Variants in LCT observed in about 807,000 individuals in gnomAD.
LCT encodes lactase/phlorizin hydrolase.
LCT carries 90 observed loss-of-function variants against 173.0 expected under a neutral mutation model. The ratio of observed to expected loss-of-function variants is 0.52; its 90% CI spans 0.44 to 0.62. LCT has a LOEUF of 0.62. Among genes scored for constraint, LCT ranks in the 20% least tolerant of loss-of-function variants. The probability of loss-of-function intolerance (pLI) is 0.00; values close to 1 mark genes in which losing one functional copy is unlikely to be tolerated. For missense variants in LCT, 1,864 were observed against 2,431.4 expected (o/e 0.77, Z 4.91); for synonymous variants, 853 against 957.6 (o/e 0.89, Z 2.02).
chr2:135,825,005 A>AG (rs1005455217), intron 3 of LCT, among the ~76,000 whole-genome samples: 1 of 151,734 alleles, frequency 6.6e-6, no homozygotes, highest in African/African-American at 2.4e-5. Flanking sequence ...AAAAAAAAAA[A>AG]AAAAGAAAAA....
In LCT at chr2:135,809,986, C is replaced by G; in HGVS notation, c.2361G>C (p.Lys787Asn). The change falls in exon 8 of 17, where the codon AAG (lysine) becomes AAC (asparagine). Residue 787 changes from lysine to asparagine, a missense_variant. Coordinates refer to ENST00000264162, the MANE Select transcript of LCT (RefSeq NM_002299.4). The surrounding 1 kb of genome is among the most constrained non-coding windows in gnomAD (Gnocchi z 5.5). ...QYINEVLKAI[K>N]EDSVDVRSYI... Reference sequence around the variant, plus strand: ...AGGAACGAACATCCACAGAGTCTTCCTTGATAGCTGTGAAGAAAAATAAAA... The same window carrying G: ...AGGAACGAACATCCACAGAGTCTTCGTTGATAGCTGTGAAGAAAAATAAAA... The G allele has an allele frequency of 6.3e-7, 1 of 1,599,498 alleles. No homozygotes were observed.
At chr2:135,803,826 T>C (rs1485572662) in intron 11 of LCT, 104 bp downstream of exon 11, 1 of 1,025,576 alleles carries the variant, frequency 9.8e-7, no homozygotes, top group East Asian at 2.6e-5. Context: ...GTTTCTGCCA[T>C]GGGGCTTTCT....
intron 13 of LCT, among the ~76,000 whole-genome samples, chr2:135,796,575 G>A (rs1479095115): frequency 6.6e-6 from 1 of 152,198 alleles, no homozygotes; most frequent in Admixed American, 6.5e-5. Flanking sequence ...TCTATCCCCT[G>A]TCAAGGCCCA....
In LCT at chr2:135,809,834, A is replaced by G. The variant is rs2077719249; in HGVS notation, c.2513T>C (p.Phe838Ser). The G allele has an allele frequency of 6.2e-7, 1 of 1,614,090 alleles. No homozygotes were observed. The highest frequency in any genetic ancestry group is 8.5e-7 in the Non-Finnish European group (1 of 1,180,018). ...ACCGTTCTTTTCTATGATGCTAGTG[A>G]AAAAGTAGGCAGATTTCCTGGGAGT... ...SRTPRKSAYFFTSIIEKNGFL... is the reference protein window; with the variant it reads ...SRTPRKSAYFSTSIIEKNGFL... The change falls in exon 8 of 17, where the codon TTC (phenylalanine) becomes TCC (serine). Residue 838 changes from phenylalanine (F) to serine (S), a missense_variant. Phe to Ser is a radical substitution (Grantham distance 155). Coordinates refer to ENST00000264162, the MANE Select transcript of LCT (RefSeq NM_002299.4). The surrounding 1 kb of genome is among the most constrained non-coding windows in gnomAD (Gnocchi z 5.5).
At position 135,829,553 on chromosome 2, in the gene LCT, C is replaced by T. The variant is rs773816538; in HGVS notation, c.804+40G>A. 62 of 1,418,956 alleles carry T rather than the reference C, an allele frequency of 4.4e-5. No individual in the cohort carries two copies. The East Asian group carries it at 1.1e-3, about 26-fold the overall frequency. The allele number at this position is 1,418,956 out of a possible 1,614,324, so 87.9% of individuals were successfully genotyped here. On this transcript the variant is annotated intron_variant, in intron 3 of 16. Coordinates refer to ENST00000264162, the MANE Select transcript of LCT (RefSeq NM_002299.4). ...TGTCTAATCTGCTCTCTGAAACCTT[C>T]GCTGCATTCATCATTAATGTGGAAA...
chr2:135,789,205 C>CCA (rs2077515420), intron 16 of LCT, among the ~76,000 whole-genome samples: 1 of 152,338 alleles, frequency 6.6e-6, no homozygotes, highest in African/African-American at 2.4e-5. Flanking sequence ...TACGGGGCAC[C>CCA]CACATGGTGC....
chr2:135,830,006 C>T (rs1418202308), intron 2 of LCT, among the ~76,000 whole-genome samples: 1 of 152,162 alleles, frequency 6.6e-6, no homozygotes, highest in South Asian at 2.1e-4. Flanking sequence ...AAATGGGAGG[C>T]AGTTAGAGGC....
rs1021714335 is a variant in LCT, at chr2:135,827,178, C to T, written c.804+2415G>A. ...ATTTTTAGTAGAGACGGGGTTTCGC[C>T]ATGTTGGGCAGGCTGGTCTTGAACT... On this transcript the variant is annotated intron_variant, in intron 3 of 16. Coordinates refer to ENST00000264162, the MANE Select transcript of LCT (RefSeq NM_002299.4). Among the ~76,000 whole-genome samples, 11 of 152,238 alleles carry T rather than the reference C, an allele frequency of 7.2e-5. No individual in the cohort carries two copies. In the East Asian group the frequency reaches 1.5e-3, roughly 21 times the overall value.
Position 135,829,579 on chromosome 2 carries a change from A to G in LCT, c.804+14T>C, listed in dbSNP as rs372792401. ...GCTGCATTCATCATTAATGTGGAAA[A>G]GGGCTCAAATTACCTGCAATTTACT... On this transcript the variant is annotated intron_variant, in intron 3 of 16. Transcript: ENST00000264162. The G allele has an allele frequency of 2.8e-5, 45 of 1,593,802 alleles. 1 individual carries two copies. The highest frequency in any genetic ancestry group is 2.7e-4 in the East Asian group (12 of 44,730).
chr2:135,788,316 G>A lies in LCT; in HGVS notation c.*8C>T. On this transcript the variant is annotated 3_prime_UTR_variant, in exon 17 of 17. Transcript: ENST00000264162. ...GGCCTGCTTCATAGAACTTGAGGTG[G>A]TAACTCATCAGAATGAAGACACCGG... 6.3e-7 allele frequency: 1 copy of A among 1,599,948 alleles called. No individual in the cohort carries two copies. Among genetic ancestry groups the A allele is most frequent in the Non-Finnish European group, 8.6e-7 (1 of 1,168,364 alleles).
chr2:135,800,119 G>C (rs2077613621), intron 12 of LCT, among the ~76,000 whole-genome samples: 1 of 152,210 alleles, frequency 6.6e-6, no homozygotes, highest in Non-Finnish European at 1.5e-5. Context: ...GCAAACTTTT[G>C]AGGTGGGCAG....
chr2:135,811,453 A>G (rs891819058), intron 7 of LCT, among the ~76,000 whole-genome samples: 1 of 152,194 alleles, frequency 6.6e-6, no homozygotes, highest in Non-Finnish European at 1.5e-5. Flanking sequence ...GAATAAAAAG[A>G]CATATGAAAT....
At chr2:135,820,131 G>A (rs928822958) in intron 5 of LCT, 4 of 152,154 alleles carry the variant, frequency 2.6e-5, no homozygotes, top group Non-Finnish European at 5.9e-5. Flanking sequence ...AGAAAACTAC[G>A]TTAGTCATTT....
Position 135,809,076 on chromosome 2 carries a change from A to T in LCT, c.3271T>A (p.Tyr1091Asn). The change falls in exon 8 of 17, where the codon TAT (tyrosine) becomes AAT (asparagine). Residue 1091 changes from tyrosine (Y) to asparagine (N), a missense_variant. Transcript: ENST00000264162. The surrounding 1 kb of genome is among the most constrained non-coding windows in gnomAD (Gnocchi z 5.5). ...PGVKDPGWAP[Y>N]RIAHAVIKAH... ...TTGATGACGGCGTGGGCTATCCTAT[A>T]TGGTGCCCAGCCTGGGTCCTTCACC... The T allele has an allele frequency of 6.2e-7, 1 of 1,613,828 alleles. No individual in the cohort carries two copies. The highest frequency in any genetic ancestry group is 8.5e-7 in the Non-Finnish European group (1 of 1,180,024).
intron 3 of LCT, among the ~76,000 whole-genome samples, chr2:135,828,736 C>CT (rs2077907750): frequency 6.6e-6 from 1 of 152,290 alleles, no homozygotes; most frequent in African/African-American, 2.4e-5. Context: ...TCCTAACACA[C>CT]TTTCTCTAAT....
rs1398217038 is a variant in LCT, at chr2:135,794,754, ACT to A, written c.4996_4997del (p.Ser1666Ter). 4 of 1,613,968 alleles carry A rather than the reference ACT, an allele frequency of 2.5e-6. No individual in the cohort carries two copies. Among genetic ancestry groups the A allele is most frequent in the African/African-American group, 1.3e-5 (1 of 74,986 alleles). On this transcript the variant is annotated frameshift_variant, in exon 14 of 17. Transcript: ENST00000264162. LOFTEE classifies it high-confidence loss of function. ...NKSRLPEFTESEKRRINGTYD... is the reference protein window; with the variant it reads ...NKSRLPEFTEXEKRRINGTYD... ...AGGTGCCGTTGATCCTCCTCTTCTC[ACT>A]CTCTGTAAATTCTGGCAGCCTGGGT...
intron 13 of LCT, among the ~76,000 whole-genome samples, chr2:135,797,728 C>T (rs2077594174): frequency 6.6e-6 from 1 of 152,170 alleles, no homozygotes; most frequent in Admixed American, 6.5e-5. Flanking sequence ...CCCACATTCA[C>T]ACGTGCGGTG....
intron 16 of LCT, among the ~76,000 whole-genome samples, chr2:135,788,842 T>A (rs920374080): frequency 1.3e-5 from 2 of 152,252 alleles, no homozygotes; most frequent in Non-Finnish European, 2.9e-5. Context: ...TTTTGGAATA[T>A]TTGCATATAC....
At chr2:135,792,739 C>T (rs1291129642) in intron 14 of LCT, among the ~76,000 whole-genome samples, 1 of 152,206 alleles carries the variant, frequency 6.6e-6, no homozygotes, top group Non-Finnish European at 1.5e-5. Flanking sequence ...CACAGCAAGC[C>T]TCACCCGAGG....
Sources: allele counts gnomAD v4.1 joint callset (sites outside exome capture counted in the v4.1 genomes callset), GRCh38; gene constraint gnomAD v4.1.1; non-coding constraint Gnocchi (gnomAD v3.1); transcripts MANE v1.5; gene names NCBI Gene and HGNC (gene_info 2026-07-23, HGNC 2026-07-21).